ITFG1: variants seen among roughly 807,000 people sequenced by gnomAD.
The protein encoded by ITFG1 is integrin alpha FG-GAP repeat containing 1, also known as T-cell immunomodulatory protein.
ITFG1 carries 34 observed loss-of-function variants against 81.8 expected under a neutral mutation model. That is an observed-to-expected ratio of 0.42 (90% CI 0.32 to 0.55). The LOEUF (loss-of-function observed/expected upper bound fraction) is 0.55. ITFG1 is among the 20% of genes least tolerant of loss of function. ITFG1 has a pLI of 0.17. For synonymous variants in ITFG1, 285 were observed against 270.6 expected (o/e 1.05, Z -0.52); for missense variants, 672 against 755.4 (o/e 0.89, Z 1.29).
rs1200966203 is a variant in ITFG1 at position 47,402,147 on chromosome 16, A to G, written c.656-26207T>C. Among the ~76,000 whole-genome samples, 3 of 152,214 alleles carry G rather than the reference A, an allele frequency of 2.0e-5. No homozygotes were observed. The East Asian group carries it at 5.8e-4, about 29-fold the overall frequency. On this transcript the variant is annotated intron_variant, in intron 6 of 17. Coordinates refer to ENST00000320640, the MANE Select transcript of ITFG1 (RefSeq NM_030790.5). ...AAAATGGCAGCATCATTTTTGTAGC[A>G]GAATCTGAAACTCACCGAATCTTTA...
chr16:47,428,510 A>G (rs1969052219), intron 6 of ITFG1, among the ~76,000 whole-genome samples: 1 of 150,830 alleles, frequency 6.6e-6, no homozygotes, highest in Non-Finnish European at 1.5e-5. Context: ...ATTTTTAATA[A>G]AAAAGGTAAA....
chr16:47,457,099 C>T (rs991986969), intron 2 of ITFG1, among the ~76,000 whole-genome samples: 3 of 152,156 alleles, frequency 2.0e-5, no homozygotes, highest in Non-Finnish European at 1.5e-5. Flanking sequence ...CACCTGAGGT[C>T]GGGAGCTCGA....
intron 5 of ITFG1, among the ~76,000 whole-genome samples, chr16:47,443,844 A>G (rs747115140): frequency 2.0e-5 from 3 of 152,320 alleles, no homozygotes; most frequent in Middle Eastern, 6.8e-3. Context: ...ACATGTATAC[A>G]TATGTGACAA....
At chr16:47,353,580 T>C (rs1256512000) in intron 8 of ITFG1, among the ~76,000 whole-genome samples, 18 of 152,092 alleles carry the variant, frequency 1.2e-4, no homozygotes, top group Non-Finnish European at 2.6e-4. Context: ...TTAAAAGATA[T>C]TCAAATTGGA....
intron 14 of ITFG1, among the ~76,000 whole-genome samples, chr16:47,184,674 A>T (rs1024132004): frequency 6.6e-6 from 1 of 152,186 alleles, no homozygotes. Flanking sequence ...CTGCAAAATC[A>T]TGCCAAAATG....
chr16:47,349,465 A>G lies in ITFG1; in HGVS notation c.802+16323T>C, dbSNP rs1036908683. ...ACAAAGATCAAAAGAGACAAAGAAC[A>G]CCATTACATAATGGTAAAGGGATCA... On this transcript the variant is annotated intron_variant, in intron 8 of 17. Transcript: ENST00000320640. Among the ~76,000 whole-genome samples, 25 of 152,190 alleles carry G rather than the reference A, an allele frequency of 1.6e-4. No individual in the cohort carries two copies. The South Asian group carries it at 1.7e-3, about 10-fold the overall frequency.
chr16:47,309,802 T>A (rs1283614417), intron 10 of ITFG1, among the ~76,000 whole-genome samples: 1 of 152,200 alleles, frequency 6.6e-6, no homozygotes, highest in Admixed American at 6.5e-5. Context: ...GGCAAAGGAA[T>A]TGTTAACAAA....
chr16:47,175,138 T>G (rs1386419511), intron 14 of ITFG1, among the ~76,000 whole-genome samples: 1 of 151,998 alleles, frequency 6.6e-6, no homozygotes, highest in Non-Finnish European at 1.5e-5. Context: ...GGATAAAAAT[T>G]AGAATATTTT....
chr16:47,334,518 G>GT (rs1275864451), intron 8 of ITFG1, among the ~76,000 whole-genome samples: 7 of 152,204 alleles, frequency 4.6e-5, no homozygotes, highest in African/African-American at 1.7e-4. Flanking sequence ...CCTAGAGCAA[G>GT]TGATTTCTCA....
chr16:47,301,081 G>A (rs1967068719), intron 10 of ITFG1, among the ~76,000 whole-genome samples: 1 of 152,116 alleles, frequency 6.6e-6, no homozygotes. Context: ...AAATCTATGT[G>A]CCTTAATAAA....
chr16:47,237,027 C>T (rs890472649), intron 13 of ITFG1, among the ~76,000 whole-genome samples: 1 of 152,170 alleles, frequency 6.6e-6, no homozygotes, highest in African/African-American at 2.4e-5. Flanking sequence ...TGGCTCAGTT[C>T]GGGCCACATT....
At chr16:47,219,598 T>G (rs753743662) in intron 13 of ITFG1, among the ~76,000 whole-genome samples, 18 of 152,186 alleles carry the variant, frequency 1.2e-4, no homozygotes, top group Non-Finnish European at 2.9e-5. Context: ...GCAATGGACA[T>G]CCTAAGATGA....
intron 6 of ITFG1, among the ~76,000 whole-genome samples, chr16:47,383,388 T>C (rs1288969150): frequency 1.3e-5 from 2 of 152,230 alleles, no homozygotes; most frequent in Non-Finnish European, 2.9e-5. Flanking sequence ...CAGTCTGCAA[T>C]AATTTGGTTT....
intron 9 of ITFG1, chr16:47,311,765 TA>T (rs1167109831): frequency 6.1e-6 from 1 of 163,674 alleles, no homozygotes; most frequent in Non-Finnish European, 1.3e-5. Context: ...CTCGAACGTT[TA>T]AAAAAAACTA....
At chr16:47,174,183 A>G (rs929841453) in intron 14 of ITFG1, among the ~76,000 whole-genome samples, 5 of 152,230 alleles carry the variant, frequency 3.3e-5, no homozygotes, top group Non-Finnish European at 5.9e-5. Flanking sequence ...ATCCTGAATT[A>G]ATTAACAATG....
chr16:47,459,400 G>A (rs1371098897), intron 1 of ITFG1, among the ~76,000 whole-genome samples: 1 of 152,166 alleles, frequency 6.6e-6, no homozygotes, highest in East Asian at 1.9e-4. Flanking sequence ...ATGAACATGG[G>A]AAAAAGCAGC....
At chr16:47,422,413 T>C (rs929136488) in intron 6 of ITFG1, among the ~76,000 whole-genome samples, 2 of 152,232 alleles carry the variant, frequency 1.3e-5, no homozygotes, top group Non-Finnish European at 2.9e-5. Context: ...TTGAGGATTT[T>C]CACATCGATG....
chr16:47,229,050 T>C (rs1178541837), intron 13 of ITFG1, among the ~76,000 whole-genome samples: 2 of 152,220 alleles, frequency 1.3e-5, no homozygotes, highest in Non-Finnish European at 2.9e-5. Context: ...CATTTATTCA[T>C]ACCTCAAATA....
intron 5 of ITFG1, among the ~76,000 whole-genome samples, chr16:47,432,094 T>C (rs994637351): frequency 2.6e-5 from 4 of 152,214 alleles, no homozygotes; most frequent in East Asian, 1.9e-4. Flanking sequence ...TCAATATCTG[T>C]AGCCACAATG....
Sources: allele counts gnomAD v4.1 joint callset (sites outside exome capture counted in the v4.1 genomes callset), GRCh38; gene constraint gnomAD v4.1.1; transcripts MANE v1.5; gene names NCBI Gene and HGNC (gene_info 2026-07-23, HGNC 2026-07-21).